RAB31: variants seen among roughly 807,000 people sequenced by gnomAD.
The protein encoded by RAB31 is RAB31, member RAS oncogene family.
A neutral mutation model predicts 25.6 loss-of-function variants in RAB31; 21 were observed. The ratio of observed to expected loss-of-function variants is 0.82; its 90% CI spans 0.58 to 1.18. RAB31 has a LOEUF of 1.18. RAB31 is among the 50% of genes most tolerant of loss of function. The pLI is 0.00. For synonymous variants in RAB31, 87 were observed against 84.0 expected, an observed-to-expected ratio of 1.04 and a Z score of -0.20; for missense variants, 196 against 250.1, an observed-to-expected ratio of 0.78 and a Z score of 1.46.
At chr18:9,716,180 T>G (rs2068043629) in intron 1 of RAB31, among the ~76,000 whole-genome samples, 1 of 152,202 alleles carries the variant, frequency 6.6e-6, no homozygotes, top group South Asian at 2.1e-4. Context: ...CTCTGGCATT[T>G]TTGAAGAAGC....
chr18:9,773,414 G>C (rs2068355484), intron 1 of RAB31, among the ~76,000 whole-genome samples: 1 of 152,036 alleles, frequency 6.6e-6, no homozygotes, highest in African/African-American at 2.4e-5. Context: ...TAAATCACTT[G>C]TTCCCGTTTT....
intron 3 of RAB31, among the ~76,000 whole-genome samples, chr18:9,792,862 G>GA (rs954551126): frequency 6.6e-6 from 1 of 152,160 alleles, no homozygotes; most frequent in African/African-American, 2.4e-5. Flanking sequence ...GCGCCCCAAG[G>GA]AAAATCTGAG....
rs1327127996 is a variant in RAB31, at chr18:9,860,913, C to G, written c.*1588C>G. On this transcript the variant is annotated 3_prime_UTR_variant, in exon 7 of 7. Transcript: ENST00000578921. ...GTGTTAGGATGTGAAGGCTGGGAAA[C>G]ACTTATTTTGCTTCAAGAGTTCCAC... is the stretch of plus-strand genomic sequence containing the variant. The G allele has an allele frequency of 6.6e-6, 1 of 152,166 alleles. No individual in the cohort carries two copies. The highest frequency in any genetic ancestry group is 1.5e-5 in the Non-Finnish European group (1 of 68,020). 9.4% of individuals were successfully genotyped at this position (152,166 alleles called of 1,614,324 possible). A position where few individuals can be genotyped will look rare whatever the true frequency, so the allele number is the denominator to read the frequency against.
At chr18:9,736,124 A>T (rs1467985575) in intron 1 of RAB31, among the ~76,000 whole-genome samples, 1 of 152,118 alleles carries the variant, frequency 6.6e-6, no homozygotes, top group Non-Finnish European at 1.5e-5. Context: ...GGTGCACACC[A>T]CCATGCCTGG....
At chr18:9,721,045 A>C (rs573144818) in intron 1 of RAB31, among the ~76,000 whole-genome samples, 2 of 152,076 alleles carry the variant, frequency 1.3e-5, no homozygotes, top group Non-Finnish European at 2.9e-5. Context: ...TGACCTCTTC[A>C]TGGGGTGATA....
At chr18:9,734,848 GC>G in intron 1 of RAB31, 5 of 220,660 alleles carry the variant, frequency 2.3e-5, no homozygotes, top group Admixed American at 9.6e-5. Context: ...CAGCACACAG[GC>G]CCCCCAGCAT....
chr18:9,823,635 A>G (rs576410851), intron 5 of RAB31, among the ~76,000 whole-genome samples: 36 of 152,270 alleles, frequency 2.4e-4, no homozygotes, highest in African/African-American at 5.8e-4. Flanking sequence ...AAAATAATAA[A>G]TATTGGAACA....
intron 1 of RAB31, among the ~76,000 whole-genome samples, chr18:9,726,653 C>T (rs773888871): frequency 6.6e-6 from 1 of 152,068 alleles, no homozygotes; most frequent in African/African-American, 2.4e-5. Flanking sequence ...TACTTTGCTA[C>T]GGGGTCTGGC....
At chr18:9,834,202 G>A (rs1175704557) in intron 5 of RAB31, among the ~76,000 whole-genome samples, 13 of 151,892 alleles carry the variant, frequency 8.6e-5, no homozygotes, top group Admixed American at 2.6e-4. Context: ...TGCAACCTGC[G>A]CCTCCCAAGT....
chr18:9,718,497 G>T (rs936334389), intron 1 of RAB31, among the ~76,000 whole-genome samples: 1 of 152,058 alleles, frequency 6.6e-6, no homozygotes, highest in Non-Finnish European at 1.5e-5. Flanking sequence ...GACCTCAGGT[G>T]ACCCACCTGC....
chr18:9,811,216 C>T (rs935312682), intron 3 of RAB31, among the ~76,000 whole-genome samples: 10 of 152,324 alleles, frequency 6.6e-5, no homozygotes, highest in African/African-American at 2.4e-4. Flanking sequence ...CCTTGGTTCA[C>T]CCTGAGCTTC....
intron 3 of RAB31, among the ~76,000 whole-genome samples, chr18:9,797,981 T>C (rs188486557): frequency 1.3e-5 from 2 of 152,372 alleles, no homozygotes; most frequent in East Asian, 3.9e-4. Context: ...AGTTTTCAGA[T>C]GACCATATTT....
At chr18:9,843,792 C>A (rs1356122708) in intron 5 of RAB31, among the ~76,000 whole-genome samples, 2 of 152,246 alleles carry the variant, frequency 1.3e-5, no homozygotes, top group South Asian at 4.1e-4. Flanking sequence ...GGACATATTT[C>A]TTTTGGCTGA....
chr18:9,784,682 A>G (rs2068422852), intron 2 of RAB31, among the ~76,000 whole-genome samples: 2 of 151,690 alleles, frequency 1.3e-5, no homozygotes, highest in South Asian at 4.2e-4. Flanking sequence ...TCCCCGACGT[A>G]GCTGGGATTA....
At position 9,860,896 on chromosome 18, in the gene RAB31, A is replaced by G. The variant is rs1470769250; in HGVS notation, c.*1571A>G. On this transcript the variant is annotated 3_prime_UTR_variant, in exon 7 of 7. Coordinates refer to ENST00000578921, the MANE Select transcript of RAB31 (RefSeq NM_006868.4). ...AAGAGAGTTCATTGACAGTGTTAGG[A>G]TGTGAAGGCTGGGAAACACTTATTT... The G allele has an allele frequency of 6.6e-6, 1 of 152,172 alleles. No individual in the cohort carries two copies. The highest frequency in any genetic ancestry group is 2.4e-5 in the African/African-American group (1 of 41,420). The allele number at this position is 152,172 out of a possible 1,614,324, so 9.4% of individuals were successfully genotyped here.
At chr18:9,728,967 C>T (rs929352507) in intron 1 of RAB31, among the ~76,000 whole-genome samples, 4 of 152,046 alleles carry the variant, frequency 2.6e-5, no homozygotes, top group Non-Finnish European at 5.9e-5. Context: ...CTATATTTTT[C>T]TGTTACCTGC....
intron 3 of RAB31, among the ~76,000 whole-genome samples, chr18:9,798,810 C>T (rs1168674180): frequency 6.6e-6 from 1 of 150,524 alleles, no homozygotes; most frequent in Non-Finnish European, 1.5e-5. Flanking sequence ...AAAAATTGGG[C>T]CAGACACAGT....
In RAB31 at chr18:9,796,904, TATTA is replaced by T. The variant is rs2068489321; in HGVS notation, c.201+4675_201+4678del. ...AAGACCTTCAGAATGCTAAAGTAAA[TATTA>T]ATTAAAGTTATATTAAATATTTAAA... On this transcript the variant is annotated intron_variant, in intron 3 of 6. Transcript: ENST00000578921. Among the ~76,000 whole-genome samples, 3 of 150,316 alleles carry T rather than the reference TATTA, an allele frequency of 2.0e-5. No homozygotes were observed. In the South Asian group the frequency reaches 6.2e-4, roughly 31 times the overall value.
At chr18:9,711,292 C>T (rs992353926) in intron 1 of RAB31, among the ~76,000 whole-genome samples, 1 of 152,146 alleles carries the variant, frequency 6.6e-6, no homozygotes, top group Non-Finnish European at 1.5e-5. Context: ...TCAGTGGATC[C>T]TTCTGCATCA....
Sources: allele counts gnomAD v4.1 joint callset (sites outside exome capture counted in the v4.1 genomes callset), GRCh38; gene constraint gnomAD v4.1.1; transcripts MANE v1.5; gene names NCBI Gene and HGNC (gene_info 2026-07-23, HGNC 2026-07-21).